IL1RAPL2: variants seen among roughly 807,000 people sequenced by gnomAD.
IL1RAPL2 encodes the protein X-linked interleukin-1 receptor accessory protein-like 2.
A neutral mutation model predicts 44.1 loss-of-function variants in IL1RAPL2; 3 were observed. That is an observed-to-expected ratio of 0.07 (90% CI 0.03 to 0.18). IL1RAPL2 has a LOEUF of 0.18. Among genes scored for constraint, IL1RAPL2 ranks in the 10% least tolerant of loss-of-function variants. The probability of loss-of-function intolerance (pLI) is 1.00; values close to 1 mark genes in which losing one functional copy is unlikely to be tolerated. For synonymous variants in IL1RAPL2, 181 were observed against 178.8 expected (o/e 1.01, Z -0.10); for missense variants, 391 against 496.4 (o/e 0.79, Z 2.02).
rs756697677 is a variant in IL1RAPL2, at chrX:105,256,695, T to C, written c.544-10693T>C. Among the ~76,000 whole-genome samples the C allele has an allele frequency of 6.3e-5, 7 of 111,504 alleles. No individual in the cohort carries two copies. The South Asian group carries it at 2.3e-3, about 36-fold the overall frequency. On this transcript the variant is annotated intron_variant, in intron 4 of 10. Coordinates refer to ENST00000372582, the MANE Select transcript of IL1RAPL2 (RefSeq NM_017416.2). ...ATTCAATTTCTTCCTGGCTCAGTCA[T>C]GGAAGGTTGTATGTGTCTAGGAAGT...
chrX:105,182,980 T>G (rs1190047872), intron 2 of IL1RAPL2, among the ~76,000 whole-genome samples: 1 of 110,898 alleles, frequency 9.0e-6, no homozygotes, highest in East Asian at 2.9e-4. Context: ...CTCGGGTCTC[T>G]GGTAGGAATG....
At chrX:105,632,111 T>G (rs2037495738) in intron 6 of IL1RAPL2, among the ~76,000 whole-genome samples, 1 of 110,051 alleles carries the variant, frequency 9.1e-6, no homozygotes, top group Admixed American at 9.8e-5. Flanking sequence ...CACTATGGCT[T>G]AACTCGGCTG....
At chrX:104,680,408 A>C (rs1602677847) in intron 2 of IL1RAPL2, among the ~76,000 whole-genome samples, 2 of 111,256 alleles carry the variant, frequency 1.8e-5, no homozygotes, top group African/African-American at 6.5e-5. Flanking sequence ...AAAATTTTCA[A>C]AGGGACATAT....
At chrX:104,857,377 T>C in intron 2 of IL1RAPL2, among the ~76,000 whole-genome samples, 1 of 111,801 alleles carries the variant, frequency 8.9e-6, no homozygotes, top group Non-Finnish European at 1.9e-5. Flanking sequence ...TGAAGCATTG[T>C]AAAGATGTAC....
intron 6 of IL1RAPL2, among the ~76,000 whole-genome samples, chrX:105,607,635 CAAAAAAAAAAAAAAAAA>C (rs11377516): frequency 8.9e-4 from 14 of 15,727 alleles, no homozygotes; most frequent in Admixed American, 5.6e-3. Context: ...ATTCAGCAGA[CAAAAAAAAAAAAAAAAA>C]AAAAAAAAAA....
chrX:105,376,860 G>A (rs1158155401), intron 5 of IL1RAPL2, among the ~76,000 whole-genome samples: 1 of 111,741 alleles, frequency 8.9e-6, no homozygotes. Context: ...GTCAATCAGT[G>A]GACAAAATTA....
chrX:105,681,668 T>G (rs915069157), intron 6 of IL1RAPL2, among the ~76,000 whole-genome samples: 1 of 111,045 alleles, frequency 9.0e-6, no homozygotes, highest in Non-Finnish European at 1.9e-5. Context: ...TGAGGCCGGA[T>G]AATTGCTTGA....
chrX:104,900,198 C>T (rs1356591983), intron 2 of IL1RAPL2, among the ~76,000 whole-genome samples: 1 of 111,515 alleles, frequency 9.0e-6, no homozygotes, highest in Non-Finnish European at 1.9e-5. Flanking sequence ...AGACACTGCC[C>T]GTAAAACTGT....
chrX:105,747,627 A>G (rs2038561170), intron 8 of IL1RAPL2, among the ~76,000 whole-genome samples: 1 of 107,598 alleles, frequency 9.3e-6, no homozygotes, highest in South Asian at 4.2e-4. Flanking sequence ...GGATCTTGTT[A>G]TATTGAGCCT....
At chrX:105,741,839 G>A (rs1284338775) in intron 8 of IL1RAPL2, among the ~76,000 whole-genome samples, 2 of 111,267 alleles carry the variant, frequency 1.8e-5, no homozygotes, top group Non-Finnish European at 3.8e-5. Context: ...TTTAAAATAG[G>A]ATTAATAATA....
At chrX:105,606,677 A>G (rs2037294764) in intron 6 of IL1RAPL2, among the ~76,000 whole-genome samples, 3 of 112,049 alleles carry the variant, frequency 2.7e-5, no homozygotes, top group Non-Finnish European at 5.7e-5. Flanking sequence ...ATATGAATAG[A>G]TAATATCACA....
chrX:104,906,113 A>G (rs372339606), intron 2 of IL1RAPL2, among the ~76,000 whole-genome samples: 1 of 109,215 alleles, frequency 9.2e-6, no homozygotes, highest in Non-Finnish European at 1.9e-5. Context: ...TTTGTCTGTT[A>G]TTGGTGTATA....
intron 6 of IL1RAPL2, among the ~76,000 whole-genome samples, chrX:105,560,673 C>A (rs1312612351): frequency 9.0e-6 from 1 of 110,740 alleles, no homozygotes; most frequent in Non-Finnish European, 1.9e-5. Context: ...CCCACCTCAG[C>A]CTCCTCCCAA....
rs1928027183 is a variant in IL1RAPL2 at position 104,566,257 on chromosome X, C to A, written c.-814C>A. On this transcript the variant is annotated 5_prime_UTR_variant, in exon 1 of 11. Transcript: ENST00000372582. ...AAAACGCAGCTCTCGGTCACTCCCA[C>A]TACCCTCCCACCCGCACTCCAGGCA... 1 of 112,555 alleles carries A rather than the reference C, an allele frequency of 8.9e-6. No homozygotes were observed. The highest frequency in any genetic ancestry group is 1.9e-5 in the Non-Finnish European group (1 of 53,300). The allele number at this position is 112,555 out of a possible 1,213,427, so 9.3% of individuals were successfully genotyped here.
intron 2 of IL1RAPL2, among the ~76,000 whole-genome samples, chrX:104,748,210 T>C (rs1201628237): frequency 9.0e-6 from 1 of 111,700 alleles, no homozygotes; most frequent in Non-Finnish European, 1.9e-5. Context: ...AGGACCATGC[T>C]AACTAAGCTT....
At chrX:104,621,490 G>A (rs1236822254) in intron 1 of IL1RAPL2, among the ~76,000 whole-genome samples, 2 of 107,369 alleles carry the variant, frequency 1.9e-5, no homozygotes, top group South Asian at 4.3e-4. Flanking sequence ...TCTCTCTGCC[G>A]TACCCCCAGG....
intron 6 of IL1RAPL2, among the ~76,000 whole-genome samples, chrX:105,701,613 C>T (rs944306534): frequency 3.6e-5 from 4 of 110,740 alleles, no homozygotes; most frequent in Non-Finnish European, 7.6e-5. Context: ...TACCTACCTG[C>T]CTGCCTGCCT....
intron 2 of IL1RAPL2, among the ~76,000 whole-genome samples, chrX:104,967,619 A>G (rs1446443007): frequency 1.8e-5 from 2 of 111,284 alleles, no homozygotes; most frequent in African/African-American, 6.5e-5. Flanking sequence ...CTCTGAAAAG[A>G]CTAATAAAAT....
chrX:104,675,537 T>A (rs1280344284), intron 2 of IL1RAPL2, among the ~76,000 whole-genome samples: 9 of 110,988 alleles, frequency 8.1e-5, no homozygotes, highest in South Asian at 3.8e-4. Flanking sequence ...TCAATTTTGG[T>A]ATAGGTGTGG....
Sources: gnomAD v4.1 joint callset for allele counts (sites outside exome capture counted in the v4.1 genomes callset) on GRCh38, gnomAD v4.1.1 for gene constraint, MANE v1.5 for transcripts, NCBI Gene and HGNC (gene_info 2026-07-23, HGNC 2026-07-21) for gene names.